The following DNAJC9 variants were observed in gnomAD, a reference collection of about 807,000 sequenced individuals.
The protein encoded by DNAJC9 is DnaJ heat shock protein family (Hsp40) member C9, also known as dnaJ homolog subfamily C member 9.
In DNAJC9, 18 loss-of-function variants were observed where a neutral mutation model predicts 32.4. That is an observed-to-expected ratio of 0.56 (90% confidence interval 0.38 to 0.82). DNAJC9 has a LOEUF of 0.82. Ranked by LOEUF, DNAJC9 falls within the 40% of genes least tolerant of loss-of-function variation. The pLI is 0.00. For missense variants in DNAJC9, 310 were observed against 321.8 expected (o/e 0.96, Z 0.28); for synonymous variants, 113 against 122.1 (o/e 0.93, Z 0.49).
intron 1 of DNAJC9, 38 bp downstream of exon 1, chr10:73,246,972 C>G (rs1336783795): frequency 2.6e-6 from 4 of 1,548,340 alleles, no homozygotes; most frequent in Non-Finnish European, 3.5e-6. Flanking sequence ...GGGGGAGGCC[C>G]GCGCAGCCGG....
At chr10:73,236,232 A>T (rs2043818256), downstream of DNAJC9, among the ~76,000 whole-genome samples, 1 of 152,168 alleles carries the variant, frequency 6.6e-6, no homozygotes, top group Non-Finnish European at 1.5e-5. Context: ...GGTGCCTTAA[A>T]ACAGCAGAAA....
intron 3 of DNAJC9, among the ~76,000 whole-genome samples, chr10:73,245,318 G>A (rs117520327): frequency 2.0e-3 from 304 of 151,954 alleles, no homozygotes; most frequent in Non-Finnish European, 3.6e-3. Flanking sequence ...TCTAACGCCC[G>A]ATGATCTAAG....
downstream of DNAJC9, chr10:73,239,235 G>T (rs2271911): frequency 0.086 from 106,478 of 1,242,254 alleles, 6,943 homozygotes; most frequent in East Asian, 0.29. Flanking sequence ...ATTTCAAGGT[G>T]TTCCTGTGAA....
At chr10:73,236,964 T>G (rs2043837232), downstream of DNAJC9, among the ~76,000 whole-genome samples, 1 of 152,148 alleles carries the variant, frequency 6.6e-6, no homozygotes, top group Non-Finnish European at 1.5e-5. Context: ...TCCTCCCACC[T>G]CAGCCTCCCA....
chr10:73,241,042 G>C, downstream of DNAJC9: 3 of 1,365,982 alleles, frequency 2.2e-6, no homozygotes, highest in Non-Finnish European at 3.1e-6. Flanking sequence ...GAATCTATCA[G>C]GCTGCAGGAA....
Position 73,245,911 on chromosome 10 carries a change from CA to C in DNAJC9, c.576+10del, listed in dbSNP as rs1344890214. The stretch of plus-strand genomic sequence containing the variant: ...AGTCAAAATATAAATCCACAGTATT[CA>C]AAATCTTACCCTCCTTTTCCTTGCA... On this transcript the variant is annotated intron_variant, in intron 3 of 4. Transcript: ENST00000372950. 1 of 1,609,456 alleles carries C rather than the reference CA, an allele frequency of 6.2e-7. No homozygotes were observed.
At position 73,242,342 on chromosome 10, in the gene DNAJC9, CTA is replaced by C. The variant is rs1405821596; in HGVS notation, c.*1056_*1057del. ...CTCATCTACATAGAAATGAAAATCT[CTA>C]TTGTTCTCACAAACCATTACCATGA... On this transcript the variant is annotated 3_prime_UTR_variant, in exon 5 of 5. Transcript: ENST00000372950. 6.6e-6 allele frequency: 1 copy of C among 152,146 alleles called. No homozygotes were observed. The highest frequency in any genetic ancestry group is 1.5e-5 in the Non-Finnish European group (1 of 68,024). The allele number at this position is 152,146 out of a possible 1,614,324, so 9.4% of individuals were successfully genotyped here. A position where few individuals can be genotyped will look rare whatever the true frequency, so the allele number is the denominator to read the frequency against.
downstream of DNAJC9, among the ~76,000 whole-genome samples, chr10:73,240,200 A>G (rs1158596166): frequency 2.6e-5 from 4 of 152,190 alleles, no homozygotes; most frequent in Non-Finnish European, 5.9e-5. Flanking sequence ...TATTATGCTG[A>G]AGGTAAATTT....
chr10:73,247,055 G>A lies in DNAJC9; in HGVS notation c.135C>T (p.Asp45=), dbSNP rs371989814. 23 of 1,575,738 alleles carry A rather than the reference G, an allele frequency of 1.5e-5. No homozygotes were observed. The highest frequency in any genetic ancestry group is 1.4e-4 in the East Asian group (6 of 42,880). The change falls in exon 1 of 5, where the codon GAC becomes GAT. Residue 45 remains aspartate (D), a synonymous_variant. Coordinates refer to ENST00000372950, the MANE Select transcript of DNAJC9 (RefSeq NM_015190.5). Reference sequence around the variant, plus strand: ...CCTCCTTGTCGCCCTCACCCACCCGGTCCGGGTGTACCTGCAGGGACACCT... The same window carrying A: ...CCTCCTTGTCGCCCTCACCCACCCGATCCGGGTGTACCTGCAGGGACACCT... ...YHKVSLQVHP[D]RVGEGDKEDA...
downstream of DNAJC9, among the ~76,000 whole-genome samples, chr10:73,236,910 CACT>C (rs1208335737): frequency 6.6e-6 from 1 of 151,052 alleles, no homozygotes; most frequent in African/African-American, 2.4e-5. Flanking sequence ...GATAGGGTGT[CACT>C]ATGTTGGCCA....
chr10:73,236,920 G>A (rs1251260629), downstream of DNAJC9, among the ~76,000 whole-genome samples: 1 of 150,424 alleles, frequency 6.6e-6, no homozygotes, highest in African/African-American at 2.5e-5. Flanking sequence ...CACTATGTTG[G>A]CCAGACTGGT....
downstream of DNAJC9, chr10:73,241,050 G>A (rs2043941521): frequency 8.1e-7 from 1 of 1,228,760 alleles, no homozygotes; most frequent in Non-Finnish European, 1.2e-6. Flanking sequence ...CAGGCTGCAG[G>A]AAACACGAGA....
chr10:73,245,556 C>A (rs2043997659), intron 3 of DNAJC9, among the ~76,000 whole-genome samples: 2 of 152,232 alleles, frequency 1.3e-5, no homozygotes, highest in African/African-American at 4.8e-5. Flanking sequence ...CTGCCATTCT[C>A]TTCTTACCCC....
downstream of DNAJC9, chr10:73,241,167 AAAC>A (rs2043944311): frequency 6.3e-6 from 4 of 634,166 alleles, no homozygotes; most frequent in Non-Finnish European, 1.1e-5. Flanking sequence ...CCGAAGAACA[AAAC>A]ACCATAGCAG....
downstream of DNAJC9, chr10:73,239,495 A>G (rs2043895812): frequency 5.2e-6 from 4 of 770,690 alleles, no homozygotes; most frequent in East Asian, 1.1e-4. Flanking sequence ...CTTGGATTTA[A>G]TGTTTTCCCA....
rs1211233737 is a variant in DNAJC9 at position 73,243,873 on chromosome 10, T to G, written c.633A>C (p.Glu211Asp). ...EMSRKELGLD[E>D]GVDSLKAAIQ... ...TGGCTGCCTTCAGGCTATCCACGCC[T>G]TCATCAAGCCCCAACTCCTTTCTGC... Residue 211 changes from glutamate (E) to aspartate (D), a missense_variant, in exon 4 of 5, where the codon GAA (glutamate) becomes GAC (aspartate). Coordinates refer to ENST00000372950, the MANE Select transcript of DNAJC9 (RefSeq NM_015190.5). 7.4e-6 allele frequency: 12 copies of G among 1,613,978 alleles called. No individual in the cohort carries two copies. The African/African-American group carries it at 1.2e-4, about 16-fold the overall frequency.
chr10:73,237,451 C>G (rs1169226229), downstream of DNAJC9, among the ~76,000 whole-genome samples: 1 of 151,764 alleles, frequency 6.6e-6, no homozygotes, highest in African/African-American at 2.4e-5. Flanking sequence ...GAGTCTTACT[C>G]TGTCGCCCAG....
At chr10:73,238,067 C>T (rs1438278992), downstream of DNAJC9, among the ~76,000 whole-genome samples, 2 of 152,012 alleles carry the variant, frequency 1.3e-5, no homozygotes, top group African/African-American at 2.4e-5. Context: ...AGCTGTGAGC[C>T]GGCTGCAGTG....
rs2043967985 is a variant in DNAJC9, at chr10:73,242,682, C to T, written c.*718G>A. The T allele has an allele frequency of 1.3e-5, 2 of 152,352 alleles. No homozygotes were observed. The highest frequency in any genetic ancestry group is 1.9e-4 in the East Asian group (1 of 5,190). The allele number at this position is 152,352 out of a possible 1,614,324, so 9.4% of individuals were successfully genotyped here. ...TAATCAGTGGCAGGACTACAACATA[C>T]ATCTCTTCATGCTAGGGAAACCAGG... On this transcript the variant is annotated 3_prime_UTR_variant, in exon 5 of 5. Transcript: ENST00000372950.
Sources: allele counts gnomAD v4.1 joint callset (sites outside exome capture counted in the v4.1 genomes callset), GRCh38; gene constraint gnomAD v4.1.1; transcripts MANE v1.5; gene names NCBI Gene and HGNC (gene_info 2026-07-23, HGNC 2026-07-21).